CMAS: variants seen among roughly 807,000 people sequenced by gnomAD.
The protein encoded by CMAS is cytidine monophosphate N-acetylneuraminic acid synthetase.
In CMAS, 21 loss-of-function variants were observed where a neutral mutation model predicts 53.4. That is an observed-to-expected ratio of 0.39 (90% confidence interval 0.28 to 0.57). The LOEUF (loss-of-function observed/expected upper bound fraction) is 0.57. Among genes scored for constraint, CMAS ranks in the 20% least tolerant of loss-of-function variants. CMAS has a pLI of 0.56. For synonymous variants in CMAS, 189 were observed against 195.2 expected (o/e 0.97, Z 0.27); for missense variants, 384 against 534.9 (o/e 0.72, Z 2.78).
At chr12:22,055,360 A>G in intron 2 of CMAS, 69 bp downstream of exon 2, 1 of 1,476,064 alleles carries the variant, frequency 6.8e-7, no homozygotes, top group Non-Finnish European at 9.1e-7. Flanking sequence ...ATCTTATAAG[A>G]CTTGTTTTAA....
chr12:22,046,496 C>T lies in CMAS; in HGVS notation c.193C>T (p.His65Tyr). 1 of 1,608,672 alleles carries T rather than the reference C, an allele frequency of 6.2e-7. No individual in the cohort carries two copies. Residue 65 changes from histidine to tyrosine, a missense_variant, in exon 1 of 8, where the codon CAC becomes TAC. Transcript: ENST00000229329. The stretch of plus-strand genomic sequence containing the variant: ...AGGCATCCCCCTGAAGAACATTAAG[C>T]ACCTGGCGGGGGTCCCGCTCATTGG... ...SKGIPLKNIKHLAGVPLIGWV... is the reference protein window; with the variant it reads ...SKGIPLKNIKYLAGVPLIGWV...
chr12:22,062,412 C>T lies in CMAS; in HGVS notation c.1092C>T (p.Cys364=), dbSNP rs1376807650. 1 of 1,613,130 alleles carries T rather than the reference C, an allele frequency of 6.2e-7. No individual in the cohort carries two copies. The highest frequency in any genetic ancestry group is 1.3e-5 in the African/African-American group (1 of 74,786). The change falls in exon 7 of 8, where the codon TGC becomes TGT. Residue 364 remains cysteine (C), a synonymous_variant. Coordinates refer to ENST00000229329, the MANE Select transcript of CMAS (RefSeq NM_018686.6). The part of the protein sequence containing the change: ...VDEWRKEMGL[C]WKEVAYLGNE... Reference sequence around the variant, plus strand: ...AATGGAGAAAAGAAATGGGCCTGTGCTGGAAAGAAGTGGCATATCTTGGTT... The same window carrying T: ...AATGGAGAAAAGAAATGGGCCTGTGTTGGAAAGAAGTGGCATATCTTGGTT...
intron 7 of CMAS, 71 bp from the exon 8 acceptor site, chr12:22,065,050 T>C (rs377640087): frequency 7.7e-7 from 1 of 1,294,270 alleles, no homozygotes; most frequent in Non-Finnish European, 1.1e-6. Flanking sequence ...TGTTGGTTGC[T>C]GTCTGCATTA....
rs1371713185 is a variant in CMAS, at chr12:22,060,879, T to C, written c.741T>C (p.Asp247=). 1 of 1,612,256 alleles carries C rather than the reference T, an allele frequency of 6.2e-7. No homozygotes were observed. Among genetic ancestry groups the C allele is most frequent in the African/African-American group, 1.3e-5 (1 of 74,870 alleles). The stretch of plus-strand genomic sequence containing the variant: ...AAATGCGAGCTGAACATAGTGTGGA[T>C]ATAGATGTGGATATTGATTGGCCTA... The part of the protein sequence containing the change: ...YYEMRAEHSV[D]IDVDIDWPIA... Residue 247 remains aspartate, a synonymous_variant, in exon 5 of 8, where the codon GAT becomes GAC. Coordinates refer to ENST00000229329, the MANE Select transcript of CMAS (RefSeq NM_018686.6).
chr12:22,061,406 T>G lies in CMAS; in HGVS notation c.914T>G (p.Val305Gly). The change falls in exon 6 of 8, where the codon GTA becomes GGA. Residue 305 changes from valine (V) to glycine (G), a missense_variant. Val to Gly is a moderately radical substitution (Grantham distance 109). Around this residue, in one of 3 missense-constraint regions of CMAS, gnomAD observed 134 missense variants for 154.6 expected, o/e 0.87. Transcript: ENST00000229329. Reference sequence around the variant, plus strand: ...CAAAAAGAAATAATATCTTATGATGTAAAAGATGCTATTGGGATAAGTTTA... The same window carrying G: ...CAAAAAGAAATAATATCTTATGATGGAAAAGATGCTATTGGGATAAGTTTA... ...GDQKEIISYD[V>G]KDAIGISLLK... The G allele has an allele frequency of 6.2e-7, 1 of 1,604,350 alleles. No homozygotes were observed. Among genetic ancestry groups the G allele is most frequent in the Non-Finnish European group, 8.5e-7 (1 of 1,172,444 alleles).
chr12:22,060,688 C>G (rs575044070), intron 4 of CMAS, 144 bp from the exon 5 acceptor site: 1 of 542,098 alleles, frequency 1.8e-6, no homozygotes, highest in East Asian at 3.1e-5. Context: ...ATTTAAAAAT[C>G]ATTTTTATGT....
Position 22,065,329 on chromosome 12 carries a change from A to AG in CMAS, c.*19dup. 6.3e-7 allele frequency: 1 copy of AG among 1,586,750 alleles called. No homozygotes were observed. The highest frequency in any genetic ancestry group is 2.2e-5 in the East Asian group (1 of 44,478). On this transcript the variant is annotated 3_prime_UTR_variant, in exon 8 of 8. Coordinates refer to ENST00000229329, the MANE Select transcript of CMAS (RefSeq NM_018686.6). ...AAAAATAGAAATTAGCGTAATATTG[A>AG]GAAAAAAATGATACAGCCTTCTTCA...
At chr12:22,053,284 CTG>C (rs2138180387) in intron 1 of CMAS, among the ~76,000 whole-genome samples, 1 of 151,692 alleles carries the variant, frequency 6.6e-6, no homozygotes, top group South Asian at 2.1e-4. Flanking sequence ...GAGCAAGACT[CTG>C]TCAAAAAAAC....
At chr12:22,061,037 C>T (rs1463592985) in intron 5 of CMAS, 111 bp downstream of exon 5, 8 of 766,582 alleles carry the variant, frequency 1.0e-5, no homozygotes, top group Non-Finnish European at 1.8e-5. Context: ...TTACTTTGTT[C>T]ATGTGAGGAA....
chr12:22,049,741 C>T (rs1271861990), intron 1 of CMAS, among the ~76,000 whole-genome samples: 1 of 152,052 alleles, frequency 6.6e-6, no homozygotes, highest in African/African-American at 2.4e-5. Flanking sequence ...CCCATCTCTA[C>T]CAAAAATACA....
intron 1 of CMAS, among the ~76,000 whole-genome samples, chr12:22,054,859 T>C: frequency 6.6e-6 from 1 of 152,128 alleles, no homozygotes; most frequent in Non-Finnish European, 1.5e-5. Context: ...AGGTAGTTTT[T>C]TGATCCTCAC....
Position 22,062,260 on chromosome 12 carries a change from CTTTTTTT to C in CMAS, c.961-10_961-4del, listed in dbSNP as rs33946820. The C allele has an allele frequency of 1.4e-6, 2 of 1,415,016 alleles. No homozygotes were observed. The highest frequency in any genetic ancestry group is 2.7e-5 in the Admixed American group (1 of 37,058). 87.7% of individuals were successfully genotyped at this position (1,415,016 alleles called of 1,614,324 possible). On this transcript the variant is annotated splice_polypyrimidine_tract_variant and intron_variant, in intron 6 of 7. Transcript: ENST00000229329. ...TAATTTTTCCCTTCTTCCTCCAATC[CTTTTTTT>C]TTTTTTTTTTAAGGTGAGGCTAATC... is the stretch of plus-strand genomic sequence containing the variant.
intron 3 of CMAS, among the ~76,000 whole-genome samples, chr12:22,055,816 A>C (rs1463829907): frequency 6.6e-6 from 1 of 152,076 alleles, no homozygotes; most frequent in Admixed American, 6.6e-5. Flanking sequence ...TCTTTGCTTT[A>C]CTCTTTACAA....
chr12:22,061,839 T>G (rs1950309939), intron 6 of CMAS, among the ~76,000 whole-genome samples: 1 of 152,106 alleles, frequency 6.6e-6, no homozygotes, highest in African/African-American at 2.4e-5. Flanking sequence ...CAAAATAACT[T>G]AACGTTTAAG....
At position 22,046,510 on chromosome 12, in the gene CMAS, C is replaced by A. The variant is rs768695529; in HGVS notation, c.207C>A (p.Val69=). ...PLKNIKHLAG[V]PLIGWVLRAA... ...AGAACATTAAGCACCTGGCGGGGGTCCCGCTCATTGGCTGGGTCCTGCGTG... is the reference window on the plus strand; with the variant it reads ...AGAACATTAAGCACCTGGCGGGGGTACCGCTCATTGGCTGGGTCCTGCGTG... The change falls in exon 1 of 8, where the codon GTC becomes GTA. Residue 69 remains valine, a synonymous_variant. Transcript: ENST00000229329. 6.9e-6 allele frequency: 11 copies of A among 1,605,192 alleles called. No individual in the cohort carries two copies. The South Asian group carries it at 1.2e-4, about 18-fold the overall frequency.
intron 3 of CMAS, among the ~76,000 whole-genome samples, chr12:22,057,545 A>T (rs966837770): frequency 1.3e-5 from 2 of 152,188 alleles, no homozygotes; most frequent in African/African-American, 2.4e-5. Flanking sequence ...TTGTATAAAA[A>T]CAAGTTCTCA....
Position 22,065,207 on chromosome 12 carries a change from G to A in CMAS, c.1201G>A (p.Val401Ile), listed in dbSNP as rs1163700432. The A allele has an allele frequency of 6.2e-7, 1 of 1,614,140 alleles. No individual in the cohort carries two copies. ...ADACSTAQKA[V>I]GYICKCNGGR... ...TGCCTGTTCTACTGCCCAGAAGGCT[G>A]TTGGATACATTTGCAAATGTAATGG... The change falls in exon 8 of 8, where the codon GTT becomes ATT. Residue 401 changes from valine (V) to isoleucine (I), a missense_variant. Coordinates refer to ENST00000229329, the MANE Select transcript of CMAS (RefSeq NM_018686.6).
intron 3 of CMAS, among the ~76,000 whole-genome samples, chr12:22,057,557 C>T (rs1950276355): frequency 6.6e-6 from 1 of 151,940 alleles, no homozygotes; most frequent in Admixed American, 6.6e-5. Flanking sequence ...AAGTTCTCAA[C>T]CACATTAGAT....
At chr12:22,058,808 C>T (rs1487438127) in intron 4 of CMAS, 108 bp downstream of exon 4, 2 of 1,312,558 alleles carry the variant, frequency 1.5e-6, no homozygotes, top group African/African-American at 1.5e-5. Context: ...AAAGTATCAA[C>T]CTATAGAGGA....
Sources: gnomAD v4.1 joint callset for allele counts (sites outside exome capture counted in the v4.1 genomes callset) on GRCh38, gnomAD v4.1.1 for gene constraint, gnomAD v4.1.1 regional missense constraint, MANE v1.5 for transcripts, NCBI Gene and HGNC (gene_info 2026-07-23, HGNC 2026-07-21) for gene names.